GALNT14: variants seen among roughly 807,000 people sequenced by gnomAD.
GALNT14 encodes the protein polypeptide N-acetylgalactosaminyltransferase 14.
Under a neutral mutation model 77.5 loss-of-function variants are expected in GALNT14, and 60 were observed. That is an observed-to-expected ratio of 0.77 (90% CI 0.63 to 0.96). GALNT14 has a LOEUF of 0.96. Ranked by LOEUF, GALNT14 falls within the 40% of genes least tolerant of loss-of-function variation. GALNT14 has a pLI of 0.00. For synonymous variants in GALNT14, 280 were observed against 281.7 expected, an observed-to-expected ratio of 0.99 and a Z score of 0.06; for missense variants, 710 against 731.0, an observed-to-expected ratio of 0.97 and a Z score of 0.33.
intron 1 of GALNT14, among the ~76,000 whole-genome samples, chr2:31,047,560 TC>T (rs1673544660): frequency 1.3e-5 from 2 of 152,178 alleles, no homozygotes; most frequent in African/African-American, 4.8e-5. Flanking sequence ...AAGCAACATT[TC>T]TTAGGCCCCA....
chr2:31,100,165 C>T (rs781153406), intron 1 of GALNT14, among the ~76,000 whole-genome samples: 1 of 151,958 alleles, frequency 6.6e-6, no homozygotes, highest in Non-Finnish European at 1.5e-5. Flanking sequence ...GGTAAGTCCT[C>T]ACTTAACATC....
At chr2:30,965,647 G>A (rs1667959989) in intron 3 of GALNT14, among the ~76,000 whole-genome samples, 1 of 152,194 alleles carries the variant, frequency 6.6e-6, no homozygotes, top group Non-Finnish European at 1.5e-5. Flanking sequence ...ATTAGAGCAA[G>A]AACACGACCC....
chr2:31,075,497 A>G (rs1227309269), intron 1 of GALNT14, among the ~76,000 whole-genome samples: 3 of 152,152 alleles, frequency 2.0e-5, no homozygotes, highest in Non-Finnish European at 4.4e-5. Context: ...ATCGGCTTGA[A>G]AAGTGTTTCT....
At chr2:30,909,760 T>C (rs890841268), downstream of GALNT14, among the ~76,000 whole-genome samples, 4 of 151,898 alleles carry the variant, frequency 2.6e-5, no homozygotes, top group South Asian at 4.2e-4. Flanking sequence ...CACATGCACA[T>C]GTATGTTTAT....
At chr2:30,997,816 T>C (rs1290512227) in intron 1 of GALNT14, among the ~76,000 whole-genome samples, 1 of 152,248 alleles carries the variant, frequency 6.6e-6, no homozygotes, top group Non-Finnish European at 1.5e-5. Context: ...CTTAAATATT[T>C]ATTTATGGTG....
At chr2:31,133,340 GTC>G (rs1425980411) in intron 1 of GALNT14, among the ~76,000 whole-genome samples, 2 of 152,078 alleles carry the variant, frequency 1.3e-5, no homozygotes, top group African/African-American at 2.4e-5. Context: ...GATTAATAGG[GTC>G]TCTCTCTAAA....
intron 1 of GALNT14, among the ~76,000 whole-genome samples, chr2:31,065,938 C>T (rs1674920817): frequency 6.6e-6 from 1 of 152,176 alleles, no homozygotes; most frequent in African/African-American, 2.4e-5. Flanking sequence ...GACAGTAGGG[C>T]ACAGTAACAA....
chr2:31,020,018 C>T (rs79298001), intron 1 of GALNT14, among the ~76,000 whole-genome samples: 179 of 152,278 alleles, frequency 1.2e-3, no homozygotes, highest in African/African-American at 4.2e-3. Context: ...TATTACTCCT[C>T]TCCAGGAATA....
At chr2:30,999,691 T>C (rs1366389240) in intron 1 of GALNT14, among the ~76,000 whole-genome samples, 7 of 152,214 alleles carry the variant, frequency 4.6e-5, no homozygotes, top group Admixed American at 4.6e-4. Flanking sequence ...GCTGTGCCTA[T>C]GGTAATGCCT....
At chr2:30,941,482 C>T (rs114707391) in intron 9 of GALNT14, among the ~76,000 whole-genome samples, 8 of 152,180 alleles carry the variant, frequency 5.3e-5, no homozygotes, top group Admixed American at 1.3e-4. Flanking sequence ...AGTATCCTGA[C>T]GTTAACACCT....
At chr2:31,108,101 T>C (rs1001810661) in intron 1 of GALNT14, among the ~76,000 whole-genome samples, 21 of 152,280 alleles carry the variant, frequency 1.4e-4, no homozygotes, top group Admixed American at 3.9e-4. Context: ...CTTGGCACCA[T>C]CTGCCTGGCT....
chr2:30,989,583 A>ATATATATATATATATAAAAATATAT (rs56703340), intron 2 of GALNT14, among the ~76,000 whole-genome samples: 4 of 91,878 alleles, frequency 4.4e-5, no homozygotes, highest in African/African-American at 1.7e-4. Context: ...TATATATATA[A>ATATATATATATATATAAAAATATAT]AAATATATAT....
At chr2:31,013,138 A>T (rs1671142116) in intron 1 of GALNT14, among the ~76,000 whole-genome samples, 1 of 152,226 alleles carries the variant, frequency 6.6e-6, no homozygotes, top group Non-Finnish European at 1.5e-5. Flanking sequence ...GAGGAGAAAG[A>T]TTTAAATTAT....
chr2:30,966,063 CAT>C (rs1307106821), intron 3 of GALNT14, 139 bp downstream of exon 3: 1 of 632,690 alleles, frequency 1.6e-6, no homozygotes, highest in East Asian at 2.8e-5. Context: ...TGAGTGGACA[CAT>C]GTGACATATA....
At chr2:31,000,724 T>C (rs1573129013) in intron 1 of GALNT14, among the ~76,000 whole-genome samples, 1 of 152,200 alleles carries the variant, frequency 6.6e-6, no homozygotes, top group South Asian at 2.1e-4. Context: ...CAGCCTGCTT[T>C]ACGCAAAGTC....
At chr2:30,918,858 GGGGAAGGTGGCATCAGGCA>G (rs929846954) in intron 13 of GALNT14, among the ~76,000 whole-genome samples, 2 of 133,480 alleles carry the variant, frequency 1.5e-5, no homozygotes, top group Admixed American at 7.4e-5. Context: ...GGCATCAGGC[GGGGAAGGTGGCATCAGGCA>G]GGGAGGGTGG....
rs1277489743 is a variant in GALNT14, at chr2:30,966,189, G to A, written c.398+15C>T. The stretch of plus-strand genomic sequence containing the variant: ...TGGCCCAGAGCTGGCCAACAGACAA[G>A]CAAGGATGCCTCACCTGCGGATGGT... On this transcript the variant is annotated intron_variant, in intron 3 of 14. Coordinates refer to ENST00000349752, the MANE Select transcript of GALNT14 (RefSeq NM_024572.4). 1 of 1,610,324 alleles carries A rather than the reference G, an allele frequency of 6.2e-7. No individual in the cohort carries two copies. Among genetic ancestry groups the A allele is most frequent in the African/African-American group, 1.3e-5 (1 of 74,990 alleles).
At chr2:31,125,893 G>A (rs1368088879) in intron 1 of GALNT14, among the ~76,000 whole-genome samples, 1 of 152,168 alleles carries the variant, frequency 6.6e-6, no homozygotes, top group South Asian at 2.1e-4. Context: ...GATGGCCTTT[G>A]TATTTTCAGC....
intron 1 of GALNT14, among the ~76,000 whole-genome samples, chr2:31,130,783 T>TGTGTGCGCGCGC (rs1181788023): frequency 2.5e-5 from 3 of 118,632 alleles, no homozygotes; most frequent in Admixed American, 8.0e-5. Flanking sequence ...TGTGTGTGTG[T>TGTGTGCGCGCGC]GCGCGCGCAC....
Sources: allele counts gnomAD v4.1 joint callset (sites outside exome capture counted in the v4.1 genomes callset), GRCh38; gene constraint gnomAD v4.1.1; transcripts MANE v1.5; gene names NCBI Gene and HGNC (gene_info 2026-07-23, HGNC 2026-07-21).